The following FAM135B variants were observed in gnomAD, a reference collection of about 807,000 sequenced individuals.
FAM135B encodes family with sequence similarity 135 member B.
Under a neutral mutation model 127.7 loss-of-function variants are expected in FAM135B, and 43 were observed. The observed-to-expected ratio is 0.34, with a 90% CI of 0.26 to 0.43. FAM135B has a LOEUF of 0.43. FAM135B is among the 20% of genes least tolerant of loss of function. The pLI is 1.00. For synonymous variants in FAM135B, 670 were observed against 665.1 expected, an observed-to-expected ratio of 1.01 and a Z score of -0.11; for missense variants, 1,558 against 1,725.6, an observed-to-expected ratio of 0.90 and a Z score of 1.72.
chr8:138,458,941 C>T (rs1038532698), intron 1 of FAM135B, among the ~76,000 whole-genome samples: 3 of 151,956 alleles, frequency 2.0e-5, no homozygotes, highest in Non-Finnish European at 2.9e-5. Context: ...GTGAAATTGC[C>T]GGCATGTACT....
chr8:138,393,075 A>G (rs375066603), intron 1 of FAM135B, among the ~76,000 whole-genome samples: 8 of 152,286 alleles, frequency 5.3e-5, no homozygotes, highest in East Asian at 1.9e-4. Flanking sequence ...GCAGGCAAAG[A>G]GAGCTTGTGC....
intron 12 of FAM135B, among the ~76,000 whole-genome samples, chr8:138,156,881 G>C (rs907151471): frequency 2.4e-4 from 37 of 152,160 alleles, no homozygotes; most frequent in African/African-American, 7.2e-4. Flanking sequence ...GGAGGAGCTG[G>C]TACCATTCCT....
chr8:138,319,692 T>G (rs1234696073), intron 2 of FAM135B, among the ~76,000 whole-genome samples: 2 of 152,188 alleles, frequency 1.3e-5, no homozygotes, highest in Non-Finnish European at 2.9e-5. Flanking sequence ...GGCACTAAAC[T>G]ATGCCCTTTA....
At chr8:138,240,594 G>A (rs1256520950) in intron 7 of FAM135B, among the ~76,000 whole-genome samples, 1 of 152,188 alleles carries the variant, frequency 6.6e-6, no homozygotes, top group Non-Finnish European at 1.5e-5. Flanking sequence ...CATGGTGCTG[G>A]CCCTAGGGAT....
chr8:138,135,807 T>C (rs1440094841), intron 19 of FAM135B, among the ~76,000 whole-genome samples: 1 of 152,190 alleles, frequency 6.6e-6, no homozygotes, highest in Non-Finnish European at 1.5e-5. Flanking sequence ...TGTTAAATTA[T>C]GGTATATGCA....
At chr8:138,281,930 C>T (rs1824297903) in intron 3 of FAM135B, among the ~76,000 whole-genome samples, 1 of 152,202 alleles carries the variant, frequency 6.6e-6, no homozygotes, top group African/African-American at 2.4e-5. Flanking sequence ...CCTGCCTCAG[C>T]CTCCTGAGTA....
chr8:138,265,706 T>A lies in FAM135B; in HGVS notation c.294A>T (p.Glu98Asp). Residue 98 changes from glutamate (E) to aspartate (D), a missense_variant, in exon 4 of 20, where the codon GAA becomes GAT. This residue lies in a region of FAM135B where 199 missense variants were observed against 245.7 expected (regional missense o/e 0.81). Coordinates refer to ENST00000395297, the MANE Select transcript of FAM135B (RefSeq NM_015912.4). The stretch of plus-strand genomic sequence containing the variant: ...TGGTGGTAGATTCATGACTTACCCT[T>A]TCACCACCCAAGAGTAAATGAACTC... ...VFRVHLLLGG[E>D]RMEDALSEVD... The A allele has an allele frequency of 1.2e-6, 2 of 1,614,006 alleles. No homozygotes were observed. The highest frequency in any genetic ancestry group is 1.7e-6 in the Non-Finnish European group (2 of 1,179,960).
At position 138,132,564 on chromosome 8, in the gene FAM135B, A is replaced by G. The variant is rs370968096; in HGVS notation, c.*29T>C. 255 of 1,579,176 alleles carry G rather than the reference A, an allele frequency of 1.6e-4. 1 individual carries two copies. The highest frequency in any genetic ancestry group is 1.8e-4 in the Non-Finnish European group (203 of 1,148,678). Reference sequence around the variant, plus strand: ...CTAAAGCTCTCCACCGATCGTAAGCATTACCAAAGACCTGCTCCCTCAAAG... The same window carrying G: ...CTAAAGCTCTCCACCGATCGTAAGCGTTACCAAAGACCTGCTCCCTCAAAG... On this transcript the variant is annotated 3_prime_UTR_variant, in exon 20 of 20. Transcript: ENST00000395297. The surrounding 1 kb of genome is among the most constrained non-coding windows in gnomAD (Gnocchi z 4.5).
intron 6 of FAM135B, among the ~76,000 whole-genome samples, chr8:138,244,183 G>C (rs1821100711): frequency 6.6e-6 from 1 of 152,122 alleles, no homozygotes; most frequent in South Asian, 2.1e-4. Context: ...AGATGATTGA[G>C]GCACAGCCTT....
chr8:138,361,560 T>A (rs1830424483), intron 2 of FAM135B, among the ~76,000 whole-genome samples: 1 of 152,186 alleles, frequency 6.6e-6, no homozygotes, highest in Non-Finnish European at 1.5e-5. Context: ...ACACTTTACA[T>A]CTCTAACATT....
Position 138,137,162 on chromosome 8 carries a change from T to C in FAM135B, c.4000A>G (p.Lys1334Glu), listed in dbSNP as rs1296311674. ...TGTAGCTTACCTGTGTGTCTGTCTT[T>C]GAGGGCAGTTTTACACATTTCAATC... ...ARIEMCKTALKDRHTGPVYAE... is the reference protein window; with the variant it reads ...ARIEMCKTALEDRHTGPVYAE... Residue 1334 changes from lysine to glutamate, a missense_variant, in exon 19 of 20, where the codon AAA (lysine) becomes GAA (glutamate). By Grantham distance (56) the Lys-to-Glu change is moderately conservative. This residue lies in a region of FAM135B where 194 missense variants were observed against 333.8 expected (regional missense o/e 0.58). Coordinates refer to ENST00000395297, the MANE Select transcript of FAM135B (RefSeq NM_015912.4). 6.4e-7 allele frequency: 1 copy of C among 1,566,546 alleles called. No individual in the cohort carries two copies. The highest frequency in any genetic ancestry group is 8.8e-7 in the Non-Finnish European group (1 of 1,136,312).
intron 3 of FAM135B, among the ~76,000 whole-genome samples, chr8:138,303,461 G>C (rs1188603315): frequency 6.6e-6 from 1 of 152,114 alleles, no homozygotes; most frequent in Non-Finnish European, 1.5e-5. Context: ...GGGAGGGAGA[G>C]CATTAGGATA....
chr8:138,237,985 T>C (rs1400513758), intron 7 of FAM135B, among the ~76,000 whole-genome samples: 1 of 152,188 alleles, frequency 6.6e-6, no homozygotes, highest in Non-Finnish European at 1.5e-5. Flanking sequence ...GTCAGGGATA[T>C]CACAGTAAAA....
rs73715542 is a variant in FAM135B at position 138,228,983 on chromosome 8, G to C, written c.669+13959C>G. On this transcript the variant is annotated intron_variant, in intron 7 of 19. Coordinates refer to ENST00000395297, the MANE Select transcript of FAM135B (RefSeq NM_015912.4). ...TTCCAAACAGAGCACAGCCGCTTTT[G>C]CATTGACTGCTTTATCCCTCCTGCG... 9.4e-3 allele frequency among the ~76,000 whole-genome samples: 1,430 copies of C among 152,172 alleles called. 19 individuals are homozygous for C. The highest frequency in any genetic ancestry group is 0.031 in the African/African-American group (1,276 of 41,532).
rs1312046181 is a variant in FAM135B at position 138,241,470 on chromosome 8, C to A, written c.669+1472G>T. ...TCTTTGCTTCTCAGGACCATAAAAT[C>A]ATGTGACACAGCAGCTTGGACAAGA... On this transcript the variant is annotated intron_variant, in intron 7 of 19. Coordinates refer to ENST00000395297, the MANE Select transcript of FAM135B (RefSeq NM_015912.4). The surrounding 1 kb of genome is among the most constrained non-coding windows in gnomAD (Gnocchi z 4.8). Among the ~76,000 whole-genome samples, 1 of 152,166 alleles carries A rather than the reference C, an allele frequency of 6.6e-6. No homozygotes were observed. The highest frequency in any genetic ancestry group is 1.9e-4 in the East Asian group (1 of 5,186).
chr8:138,394,439 C>A (rs769357328), intron 1 of FAM135B, among the ~76,000 whole-genome samples: 1 of 152,192 alleles, frequency 6.6e-6, no homozygotes, highest in Non-Finnish European at 1.5e-5. Flanking sequence ...TAGGCTAAGT[C>A]TCTTAGCCAG....
chr8:138,179,717 A>T (rs960436925), intron 9 of FAM135B, among the ~76,000 whole-genome samples: 2 of 152,150 alleles, frequency 1.3e-5, no homozygotes, highest in African/African-American at 4.8e-5. Context: ...TTTTAGTGAC[A>T]GGGTCTCGCT....
chr8:138,143,621 A>T (rs1817405676), intron 15 of FAM135B, among the ~76,000 whole-genome samples: 1 of 152,232 alleles, frequency 6.6e-6, no homozygotes, highest in Non-Finnish European at 1.5e-5. Flanking sequence ...AGGAGATCAA[A>T]GGAAGAGGAG....
intron 4 of FAM135B, among the ~76,000 whole-genome samples, chr8:138,257,906 A>G (rs1406602331): frequency 1.1e-5 from 1 of 88,608 alleles, no homozygotes; most frequent in Non-Finnish European, 3.1e-5. Context: ...ATAAAACAAA[A>G]CAAAACAAAA....
Sources: gnomAD v4.1 joint callset for allele counts (sites outside exome capture counted in the v4.1 genomes callset) on GRCh38, gnomAD v4.1.1 for gene constraint, gnomAD v4.1.1 regional missense constraint, Gnocchi (gnomAD v3.1) non-coding constraint, MANE v1.5 for transcripts, NCBI Gene and HGNC (gene_info 2026-07-23, HGNC 2026-07-21) for gene names.